Variants in GCNT2 observed in about 807,000 individuals in gnomAD.
GCNT2 encodes N-acetyllactosaminide beta-1,6-N-acetylglucosaminyl-transferase.
A neutral mutation model predicts 34.2 loss-of-function variants in GCNT2; 34 were observed. The ratio of observed to expected loss-of-function variants is 1.00; its 90% CI spans 0.76 to 1.32. The LOEUF (loss-of-function observed/expected upper bound fraction) is 1.32. Among genes scored for constraint, GCNT2 ranks in the 40% most tolerant of loss-of-function variants. GCNT2 has a pLI of 0.00. For synonymous variants in GCNT2, 212 were observed against 188.0 expected, an observed-to-expected ratio of 1.13 and a Z score of -1.04; for missense variants, 584 against 489.4, an observed-to-expected ratio of 1.19 and a Z score of -1.82.
intron 3 of GCNT2, among the ~76,000 whole-genome samples, chr6:10,611,393 C>T (rs1464766947): frequency 2.7e-5 from 4 of 150,084 alleles, no homozygotes; most frequent in African/African-American, 4.9e-5. Flanking sequence ...TGCAGTGACG[C>T]GATCTCAGCT....
chr6:10,595,215 A>C (rs761590662), intron 3 of GCNT2, among the ~76,000 whole-genome samples: 2 of 152,136 alleles, frequency 1.3e-5, no homozygotes, highest in Admixed American at 1.3e-4. Context: ...TGTCAATGCT[A>C]TCTATTTTTG....
At chr6:10,528,504 G>C (rs1374381434) in intron 2 of GCNT2, 127 bp from the exon 3 acceptor site, 1 of 267,680 alleles carries the variant, frequency 3.7e-6, no homozygotes. Context: ...CGGGACAAGA[G>C]GCTGAGGTTA....
chr6:10,544,920 T>G (rs61067902), intron 3 of GCNT2, among the ~76,000 whole-genome samples: 8 of 150,848 alleles, frequency 5.3e-5, no homozygotes, highest in African/African-American at 2.0e-4. Context: ...ACCCCAGCCT[T>G]GGCAACAGAG....
intron 3 of GCNT2, chr6:10,586,691 A>G (rs1561819962): frequency 1.9e-6 from 3 of 1,614,128 alleles, no homozygotes; most frequent in East Asian, 2.2e-5. Context: ...ATGTCCACCA[A>G]GAGCATACAG....
At chr6:10,617,750 C>CTTTTTTTTTTTTTTTTTTTTTTTT (rs3064178) in intron 3 of GCNT2, among the ~76,000 whole-genome samples, 3 of 101,740 alleles carry the variant, frequency 2.9e-5, no homozygotes, top group African/African-American at 1.5e-4. Flanking sequence ...TGCATTTCTT[C>CTTTTTTTTTTTTTTTTTTTTTTTT]TTTTTTTTTT....
In GCNT2 at chr6:10,539,673, G is replaced by T. The variant is rs546664303; in HGVS notation, c.925+9837G>T. Among the ~76,000 whole-genome samples, 3 of 152,250 alleles carry T rather than the reference G, an allele frequency of 2.0e-5. No homozygotes were observed. The East Asian group carries it at 5.8e-4, about 29-fold the overall frequency. ...GAGAGAAAACAGATGAACTTCTCAG[G>T]TGTTGATTTTTGAGGTTTTAATGTT... is the stretch of plus-strand genomic sequence containing the variant. On this transcript the variant is annotated intron_variant, in intron 3 of 4. Coordinates refer to ENST00000495262, the MANE Select transcript of GCNT2 (RefSeq NM_145649.5).
intron 3 of GCNT2, among the ~76,000 whole-genome samples, chr6:10,548,642 A>G (rs1272910443): frequency 6.6e-6 from 1 of 151,798 alleles, no homozygotes; most frequent in African/African-American, 2.4e-5. Context: ...AGCATATGTT[A>G]TTTTTTCTAT....
At chr6:10,593,270 C>G (rs1312041062) in intron 3 of GCNT2, among the ~76,000 whole-genome samples, 1 of 152,180 alleles carries the variant, frequency 6.6e-6, no homozygotes, top group East Asian at 1.9e-4. Context: ...ATTTCTCCAA[C>G]TCATTCATCC....
chr6:10,621,324 T>C, intron 3 of GCNT2, 27 bp from the exon 4 acceptor site: 3 of 1,453,068 alleles, frequency 2.1e-6, no homozygotes, highest in Non-Finnish European at 2.9e-6. Flanking sequence ...CTCTCATCTC[T>C]ACGCTTCTTC....
intron 3 of GCNT2, among the ~76,000 whole-genome samples, chr6:10,601,982 T>A (rs1242836560): frequency 6.6e-6 from 1 of 150,944 alleles, no homozygotes; most frequent in Non-Finnish European, 1.5e-5. Context: ...CTAAAGCCCT[T>A]GATGCCGGAA....
intron 3 of GCNT2, among the ~76,000 whole-genome samples, chr6:10,595,061 G>C (rs928200404): frequency 2.6e-5 from 4 of 152,014 alleles, no homozygotes; most frequent in African/African-American, 9.7e-5. Context: ...CCCAGACTGG[G>C]ATATCTGTTC....
At chr6:10,586,883 G>A (rs781593168) in intron 3 of GCNT2, 10 of 1,613,828 alleles carry the variant, frequency 6.2e-6, no homozygotes, top group Non-Finnish European at 8.5e-6. Context: ...GTCCTGATGA[G>A]CATTTCTGGG....
chr6:10,591,542 C>G (rs922082676), intron 3 of GCNT2, among the ~76,000 whole-genome samples: 1 of 152,172 alleles, frequency 6.6e-6, no homozygotes, highest in Admixed American at 6.5e-5. Flanking sequence ...CAACCTGGGC[C>G]CATGATGCAG....
At chr6:10,610,094 A>T (rs1474607010) in intron 3 of GCNT2, among the ~76,000 whole-genome samples, 5 of 152,228 alleles carry the variant, frequency 3.3e-5, no homozygotes, top group Admixed American at 6.5e-5. Context: ...TTGATGAGAG[A>T]TGTTGAGCAC....
intron 3 of GCNT2, among the ~76,000 whole-genome samples, chr6:10,611,103 G>C (rs1489384685): frequency 2.6e-5 from 4 of 151,970 alleles, no homozygotes; most frequent in African/African-American, 9.7e-5. Flanking sequence ...ATCCTAAATA[G>C]GCCAAATGTG....
intron 4 of GCNT2, among the ~76,000 whole-genome samples, chr6:10,622,532 C>G (rs1441096313): frequency 2.6e-5 from 4 of 151,966 alleles, no homozygotes; most frequent in South Asian, 4.1e-4. Flanking sequence ...TTAATTACCT[C>G]TTTAAAGACC....
At chr6:10,565,565 C>G (rs1406158593) in intron 3 of GCNT2, among the ~76,000 whole-genome samples, 1 of 152,226 alleles carries the variant, frequency 6.6e-6, no homozygotes, top group Non-Finnish European at 1.5e-5. Flanking sequence ...AGCATGAACA[C>G]TACCCTATAA....
chr6:10,607,283 A>C (rs969686676), intron 3 of GCNT2, among the ~76,000 whole-genome samples: 16 of 152,158 alleles, frequency 1.1e-4, no homozygotes, highest in Non-Finnish European at 1.9e-4. Context: ...TCTGCTCAGC[A>C]TCTGGGGAAT....
intron 3 of GCNT2, among the ~76,000 whole-genome samples, chr6:10,533,973 GTCC>G (rs1307274521): frequency 6.6e-6 from 1 of 151,372 alleles, no homozygotes; most frequent in Non-Finnish European, 1.5e-5. Context: ...GACGTTGGCC[GTCC>G]TCATGTCGCA....
Sources: allele counts gnomAD v4.1 joint callset (sites outside exome capture counted in the v4.1 genomes callset), GRCh38; gene constraint gnomAD v4.1.1; transcripts MANE v1.5; gene names NCBI Gene and HGNC (gene_info 2026-07-23, HGNC 2026-07-21).